Variants in CCDC152 observed in about 807,000 individuals in gnomAD.
CCDC152 encodes the protein coiled-coil domain containing 152.
CCDC152 carries 37 observed loss-of-function variants against 38.1 expected under a neutral mutation model. The ratio of observed to expected loss-of-function variants is 0.97; its 90% confidence interval spans 0.75 to 1.28. The LOEUF (loss-of-function observed/expected upper bound fraction) is 1.28. CCDC152 is among the 50% of genes most tolerant of loss of function. The pLI, the probability that CCDC152 is intolerant of heterozygous loss-of-function variation, is 0.00. For missense variants in CCDC152, 259 were observed against 292.1 expected, an observed-to-expected ratio of 0.89 and a Z score of 0.83; for synonymous variants, 83 against 87.1, an observed-to-expected ratio of 0.95 and a Z score of 0.26.
Position 42,799,803 on chromosome 5 carries a change from T to C in CCDC152, c.*22T>C, listed in dbSNP as rs1343439191. Reference sequence around the variant, plus strand: ...TTGAGCTTAGCAGTAAATTCATTAGTTGGTATTTATTTAAAAGCAATCGAA... The same window carrying C: ...TTGAGCTTAGCAGTAAATTCATTAGCTGGTATTTATTTAAAAGCAATCGAA... On this transcript the variant is annotated 3_prime_UTR_variant, in exon 9 of 9. Transcript: ENST00000361970. The C allele has an allele frequency of 6.5e-7, 1 of 1,546,878 alleles. No homozygotes were observed. Among genetic ancestry groups the C allele is most frequent in the Non-Finnish European group, 8.7e-7 (1 of 1,145,782 alleles).
intron 2 of CCDC152, among the ~76,000 whole-genome samples, chr5:42,760,885 G>C (rs144353501): frequency 6.6e-6 from 1 of 152,246 alleles, no homozygotes; most frequent in Non-Finnish European, 1.5e-5. Context: ...AATGATTTTG[G>C]AAATTAATTT....
At chr5:42,775,044 G>A (rs1249012684) in intron 4 of CCDC152, among the ~76,000 whole-genome samples, 3 of 150,034 alleles carry the variant, frequency 2.0e-5, no homozygotes, top group African/African-American at 7.3e-5. Context: ...AAAAGACTAG[G>A]AAAAAAGTAA....
intron 6 of CCDC152, among the ~76,000 whole-genome samples, chr5:42,792,913 A>G (rs1248398762): frequency 1.3e-5 from 2 of 152,196 alleles, no homozygotes; most frequent in African/African-American, 2.4e-5. Flanking sequence ...ATGGCGCCAC[A>G]TAACACACCA....
chr5:42,773,196 T>C (rs991276155), intron 4 of CCDC152, among the ~76,000 whole-genome samples: 11 of 152,156 alleles, frequency 7.2e-5, no homozygotes, highest in Admixed American at 5.9e-4. Flanking sequence ...CAATTACCCT[T>C]TGGGTTTAAG....
intron 3 of CCDC152, among the ~76,000 whole-genome samples, chr5:42,763,102 G>A (rs1759576885): frequency 6.6e-6 from 1 of 152,086 alleles, no homozygotes; most frequent in Non-Finnish European, 1.5e-5. Flanking sequence ...TAGCACTGGG[G>A]CAGGAAATAT....
chr5:42,762,424 T>C lies in CCDC152; in HGVS notation c.88-19T>C. Reference sequence around the variant, plus strand: ...GCAGCATTGATTTGTTAATAATAAGTATTCTATTTCTTCTACAGAAAATGG... The same window carrying C: ...GCAGCATTGATTTGTTAATAATAAGCATTCTATTTCTTCTACAGAAAATGG... On this transcript the variant is annotated intron_variant, in intron 2 of 8. Coordinates refer to ENST00000361970, the MANE Select transcript of CCDC152 (RefSeq NM_001134848.2). 2 of 1,226,418 alleles carry C rather than the reference T, an allele frequency of 1.6e-6. No individual in the cohort carries two copies. The highest frequency in any genetic ancestry group is 2.3e-6 in the Non-Finnish European group (2 of 863,670). The allele number at this position is 1,226,418 out of a possible 1,614,324, so 76.0% of individuals were successfully genotyped here.
chr5:42,772,170 A>T (rs1759708032), intron 4 of CCDC152, among the ~76,000 whole-genome samples: 1 of 152,214 alleles, frequency 6.6e-6, no homozygotes, highest in Non-Finnish European at 1.5e-5. Context: ...GAATAGAAAA[A>T]AACACATGAA....
At chr5:42,773,652 C>T (rs1759729985) in intron 4 of CCDC152, among the ~76,000 whole-genome samples, 1 of 152,006 alleles carries the variant, frequency 6.6e-6, no homozygotes, top group Admixed American at 6.6e-5. Context: ...ATATTGAGGA[C>T]AATAATAATT....
intron 3 of CCDC152, among the ~76,000 whole-genome samples, chr5:42,766,500 G>A (rs552982458): frequency 6.6e-6 from 1 of 152,272 alleles, no homozygotes; most frequent in South Asian, 2.1e-4. Flanking sequence ...CCAAGATTTG[G>A]AAGAAACCTA....
intron 3 of CCDC152, among the ~76,000 whole-genome samples, chr5:42,763,857 G>A (rs1415294211): frequency 1.3e-5 from 2 of 152,134 alleles, no homozygotes; most frequent in Non-Finnish European, 2.9e-5. Context: ...GAAGAGAAAT[G>A]TAGGGTTTTT....
At chr5:42,790,255 T>C (rs1024703498) in intron 6 of CCDC152, among the ~76,000 whole-genome samples, 1 of 152,200 alleles carries the variant, frequency 6.6e-6, no homozygotes, top group Non-Finnish European at 1.5e-5. Context: ...GCGGATTACC[T>C]GAGGTTGGGA....
At chr5:42,797,088 A>G in intron 7 of CCDC152, 132 bp downstream of exon 7, 1 of 633,004 alleles carries the variant, frequency 1.6e-6, no homozygotes, top group Admixed American at 4.0e-5. Context: ...ACACATGCTC[A>G]TTCTCCACCA....
intron 4 of CCDC152, among the ~76,000 whole-genome samples, chr5:42,773,883 C>T (rs1759732561): frequency 6.6e-6 from 1 of 152,176 alleles, no homozygotes; most frequent in Non-Finnish European, 1.5e-5. Context: ...TAAGCAACTT[C>T]AGGGCTGAAA....
chr5:42,760,376 A>G (rs1205234450), intron 2 of CCDC152, among the ~76,000 whole-genome samples: 1 of 151,926 alleles, frequency 6.6e-6, no homozygotes, highest in Non-Finnish European at 1.5e-5. Flanking sequence ...ACATTGAAGT[A>G]AATGCATATT....
chr5:42,784,750 T>G (rs1392156527), intron 6 of CCDC152, among the ~76,000 whole-genome samples: 1 of 152,228 alleles, frequency 6.6e-6, no homozygotes, highest in Non-Finnish European at 1.5e-5. Context: ...ACTTAAGTCT[T>G]TAATCAATCT....
At chr5:42,757,895 G>A (rs976092945) in intron 1 of CCDC152, among the ~76,000 whole-genome samples, 7 of 152,078 alleles carry the variant, frequency 4.6e-5, no homozygotes, top group African/African-American at 1.4e-4. Context: ...AAAAAAGGTG[G>A]GGGTGGAGGG....
At chr5:42,797,321 G>C (rs955462235) in intron 7 of CCDC152, among the ~76,000 whole-genome samples, 1 of 152,186 alleles carries the variant, frequency 6.6e-6, no homozygotes, top group Non-Finnish European at 1.5e-5. Flanking sequence ...CACTAGGTGA[G>C]AGACAACAGC....
intron 4 of CCDC152, among the ~76,000 whole-genome samples, chr5:42,775,338 A>G (rs1362141058): frequency 6.6e-6 from 1 of 152,188 alleles, no homozygotes; most frequent in Non-Finnish European, 1.5e-5. Flanking sequence ...AAAATTATTT[A>G]CCTATAGAGG....
intron 4 of CCDC152, among the ~76,000 whole-genome samples, chr5:42,772,713 A>G (rs941060125): frequency 6.6e-6 from 1 of 152,184 alleles, no homozygotes; most frequent in Non-Finnish European, 1.5e-5. Context: ...TTGCAAATAA[A>G]TGATGACTCA....
Sources: allele counts gnomAD v4.1 joint callset (sites outside exome capture counted in the v4.1 genomes callset), GRCh38; gene constraint gnomAD v4.1.1; transcripts MANE v1.5; gene names NCBI Gene and HGNC (gene_info 2026-07-23, HGNC 2026-07-21).